RARB: variants seen among roughly 807,000 people sequenced by gnomAD.
The protein encoded by RARB is retinoic acid receptor beta.
A neutral mutation model predicts 51.9 loss-of-function variants in RARB; 17 were observed. The observed-to-expected ratio is 0.33, with a 90% confidence interval of 0.22 to 0.49. The LOEUF is 0.49. Ranked by LOEUF, RARB falls within the 20% of genes least tolerant of loss-of-function variation. RARB has a pLI of 0.99. For missense variants in RARB, 369 were observed against 550.8 expected (o/e 0.67, Z 3.30); for synonymous variants, 215 against 195.4 (o/e 1.10, Z -0.84).
chr3:25,099,409 G>A (rs980433903), intron 3 of RARB, among the ~76,000 whole-genome samples: 2 of 152,086 alleles, frequency 1.3e-5, no homozygotes, highest in African/African-American at 2.4e-5. Context: ...GTAACAGAAT[G>A]TGAATGTTCT....
intron 3 of RARB, among the ~76,000 whole-genome samples, chr3:25,521,055 G>A (rs1017836464): frequency 1.3e-5 from 2 of 152,164 alleles, no homozygotes; most frequent in Non-Finnish European, 2.9e-5. Context: ...AAATGCTTTA[G>A]AAACAGAGGA....
At chr3:24,972,751 A>C (rs1213482629) in intron 2 of RARB, among the ~76,000 whole-genome samples, 2 of 152,026 alleles carry the variant, frequency 1.3e-5, no homozygotes, top group African/African-American at 2.4e-5. Context: ...AGTGATATTA[A>C]ACATTTTTTC....
intron 5 of RARB, among the ~76,000 whole-genome samples, chr3:25,237,592 G>T (rs570351213): frequency 8.6e-5 from 13 of 152,032 alleles, no homozygotes; most frequent in Admixed American, 8.5e-4. Flanking sequence ...TTGAGATTTA[G>T]TTATATATTA....
intron 5 of RARB, among the ~76,000 whole-genome samples, chr3:25,265,742 G>A (rs564383072): frequency 6.6e-6 from 1 of 152,128 alleles, no homozygotes; most frequent in Non-Finnish European, 1.5e-5. Context: ...AAAGTGCTAG[G>A]GTTACAGCCG....
chr3:25,262,096 A>G (rs1168950573), intron 5 of RARB, among the ~76,000 whole-genome samples: 1 of 152,136 alleles, frequency 6.6e-6, no homozygotes, highest in Non-Finnish European at 1.5e-5. Context: ...TACTATGGGA[A>G]GCTCTCTATG....
intron 4 of RARB, 130 bp downstream of exon 4, chr3:25,570,048 C>A: frequency 1.5e-6 from 2 of 1,314,208 alleles, no homozygotes; most frequent in Non-Finnish European, 2.1e-6. Flanking sequence ...CAGGGGCTTG[C>A]ATGCTAGCCA....
Position 25,159,263 on chromosome 3 carries a change from C to G in RARB, c.-279-14856C>G, listed in dbSNP as rs368143668. Among the ~76,000 whole-genome samples the G allele has an allele frequency of 2.0e-5, 3 of 150,080 alleles. No homozygotes were observed. In the East Asian group the frequency reaches 5.9e-4, roughly 30 times the overall value. On this transcript the variant is annotated intron_variant, in intron 4 of 11. Coordinates refer to the RARB transcript ENST00000383772. ...ACCACAACCTCCACCTCCCCCTCCC[C>G]GGTTCAAGCAATTCTCCTGCCTCAG...
intron 5 of RARB, among the ~76,000 whole-genome samples, chr3:25,234,481 C>A (rs1485782017): frequency 1.3e-5 from 2 of 152,056 alleles, no homozygotes; most frequent in African/African-American, 4.8e-5. Flanking sequence ...TTTTATTTTT[C>A]TCTATAGATT....
intron 2 of RARB, among the ~76,000 whole-genome samples, chr3:24,866,971 A>C (rs1016548129): frequency 5.3e-5 from 8 of 151,988 alleles, no homozygotes; most frequent in African/African-American, 1.7e-4. Flanking sequence ...AATGGTCTTC[A>C]TTTGGTGGGG....
chr3:25,586,721 G>A (rs1169327883), intron 5 of RARB, among the ~76,000 whole-genome samples: 1 of 152,200 alleles, frequency 6.6e-6, no homozygotes, highest in Admixed American at 6.5e-5. Context: ...AGACTGTGCA[G>A]CTGTATAGCC....
chr3:24,997,783 A>C (rs1697074004), intron 2 of RARB, among the ~76,000 whole-genome samples: 1 of 152,170 alleles, frequency 6.6e-6, no homozygotes, highest in African/African-American at 2.4e-5. Flanking sequence ...AATTTTTTAA[A>C]TTCACTGTAT....
chr3:24,993,347 T>G (rs1696953890), intron 2 of RARB, among the ~76,000 whole-genome samples: 2 of 152,168 alleles, frequency 1.3e-5, no homozygotes, highest in African/African-American at 4.8e-5. Flanking sequence ...TATGGCATTT[T>G]GTAAACAGCG....
chr3:25,333,246 T>C lies in RARB; in HGVS notation c.179-127947T>C, dbSNP rs1278219780. Among the ~76,000 whole-genome samples, 6 of 152,232 alleles carry C rather than the reference T, an allele frequency of 3.9e-5. No homozygotes were observed. The East Asian group carries it at 1.2e-3, about 29-fold the overall frequency. On this transcript the variant is annotated intron_variant, in intron 5 of 11. Coordinates refer to the RARB transcript ENST00000383772. Reference sequence around the variant, plus strand: ...CAATCCTAAGCCAAAAGAACAAAGCTGGAGGCATCACGCTACCTGACTTCA... The same window carrying C: ...CAATCCTAAGCCAAAAGAACAAAGCCGGAGGCATCACGCTACCTGACTTCA...
intron 2 of RARB, among the ~76,000 whole-genome samples, chr3:24,995,068 A>T (rs749028143): frequency 2.6e-5 from 4 of 152,026 alleles, no homozygotes; most frequent in Non-Finnish European, 5.9e-5. Context: ...GAATTTGTAG[A>T]TTGCTTTGAG....
intron 1 of RARB, among the ~76,000 whole-genome samples, chr3:25,437,176 A>G (rs1238634425): frequency 6.9e-6 from 1 of 145,716 alleles, no homozygotes; most frequent in Non-Finnish European, 1.5e-5. Context: ...TGGTGAAATG[A>G]TCCCTCGGTC....
At chr3:24,839,096 A>T (rs1575030399) in intron 1 of RARB, among the ~76,000 whole-genome samples, 2 of 152,136 alleles carry the variant, frequency 1.3e-5, no homozygotes, top group East Asian at 3.9e-4. Context: ...AATATGATAG[A>T]AAATACTCAA....
At chr3:25,404,254 G>A (rs1343903012) in intron 5 of RARB, among the ~76,000 whole-genome samples, 4 of 152,196 alleles carry the variant, frequency 2.6e-5, no homozygotes, top group Middle Eastern at 3.4e-3. Context: ...AAGCCCTGAC[G>A]GTTTCCTTCC....
intron 2 of RARB, among the ~76,000 whole-genome samples, chr3:24,860,706 A>G (rs1702734387): frequency 6.6e-6 from 1 of 152,206 alleles, no homozygotes; most frequent in Admixed American, 6.5e-5. Context: ...TTCTAAATAG[A>G]ATACCCCCTA....
intron 4 of RARB, among the ~76,000 whole-genome samples, chr3:25,136,671 A>G (rs1700035705): frequency 6.6e-6 from 1 of 152,074 alleles, no homozygotes; most frequent in Non-Finnish European, 1.5e-5. Flanking sequence ...TCAATTAATA[A>G]TACACGTTAG....
Sources: allele counts gnomAD v4.1 joint callset (sites outside exome capture counted in the v4.1 genomes callset), GRCh38; gene constraint gnomAD v4.1.1; transcripts MANE v1.5; gene names NCBI Gene and HGNC (gene_info 2026-07-23, HGNC 2026-07-21).